Variants in COL6A3 observed in about 807,000 individuals in gnomAD.
The protein encoded by COL6A3 is collagen type VI alpha 3 chain, also known as collagen alpha-3(VI) chain.
A neutral mutation model predicts 274.1 loss-of-function variants in COL6A3; 137 were observed. That is an observed-to-expected ratio of 0.50 (90% confidence interval 0.44 to 0.58). The LOEUF is 0.58. Among genes scored for constraint, COL6A3 ranks in the 20% least tolerant of loss-of-function variants. The pLI is 0.00. For missense variants in COL6A3, 3,950 were observed against 4,124.9 expected (o/e 0.96, Z 1.16); for synonymous variants, 1,650 against 1,650.6 (o/e 1.00, Z 0.01).
chr2:237,358,609 TA>T (rs748656808), intron 20 of COL6A3, 26 bp from the exon 21 acceptor site: 2 of 1,590,926 alleles, frequency 1.3e-6, no homozygotes, highest in Admixed American at 1.7e-5. Flanking sequence ...AAGTGGATGC[TA>T]AAAACTAGAT....
intron 1 of COL6A3, among the ~76,000 whole-genome samples, chr2:237,403,453 A>G (rs572653390): frequency 6.6e-6 from 1 of 152,300 alleles, no homozygotes; most frequent in African/African-American, 2.4e-5. Flanking sequence ...AGCAGCTAAA[A>G]TAGAACCACC....
Position 237,413,372 on chromosome 2 carries a change from G to A in COL6A3, c.-31+581C>T, listed in dbSNP as rs1574792414. 6.6e-6 allele frequency among the ~76,000 whole-genome samples: 1 copy of A among 152,234 alleles called. No homozygotes were observed. The highest frequency in any genetic ancestry group is 1.5e-5 in the Non-Finnish European group (1 of 68,046). On this transcript the variant is annotated intron_variant, in intron 1 of 43. Coordinates refer to ENST00000295550, the MANE Select transcript of COL6A3 (RefSeq NM_004369.4). This position sits in a 1 kb window ranked among gnomAD's most constrained non-coding sequence, Gnocchi z 4.0. ...AGACGAAAGCTTGACGGCAATGACTGAGCGACCCTTTACTTGGCCCTGATC... is the reference window on the plus strand; with the variant it reads ...AGACGAAAGCTTGACGGCAATGACTAAGCGACCCTTTACTTGGCCCTGATC...
chr2:237,348,313 A>T (rs768208278), intron 30 of COL6A3, 36 bp downstream of exon 30: 1 of 1,585,246 alleles, frequency 6.3e-7, no homozygotes, highest in South Asian at 1.1e-5. Flanking sequence ...CCATCCCAAA[A>T]TCATGATGAT....
chr2:237,392,456 C>T (rs1336013492), intron 3 of COL6A3, among the ~76,000 whole-genome samples: 1 of 152,214 alleles, frequency 6.6e-6, no homozygotes, highest in African/African-American at 2.4e-5. Flanking sequence ...CAAGCCTCAA[C>T]TCTCTTTTTC....
In COL6A3 at chr2:237,325,704, CT is replaced by C; in HGVS notation, c.9348del (p.Asp3117ThrfsTer10). ...ATGAAATCCCTGCAAGTTCCTTCGTCTTTCGGCAACTTGCATATATCTTTAA... is the reference window on the plus strand; with the variant it reads ...ATGAAATCCCTGCAAGTTCCTTCGTCTTCGGCAACTTGCATATATCTTTAA... ...LTETDICKLP[K>X]DEGTCRDFIL... On this transcript the variant is annotated frameshift_variant, in exon 43 of 44. Coordinates refer to ENST00000295550, the MANE Select transcript of COL6A3 (RefSeq NM_004369.4). LOFTEE classifies it high-confidence loss of function. 1.2e-6 allele frequency: 2 copies of C among 1,613,960 alleles called. No individual in the cohort carries two copies. The highest frequency in any genetic ancestry group is 1.7e-6 in the Non-Finnish European group (2 of 1,179,958).
rs144130137 is a variant in COL6A3, at chr2:237,340,659, C to G, written c.8257G>C (p.Glu2753Gln). 5.6e-6 allele frequency: 9 copies of G among 1,614,132 alleles called. No homozygotes were observed. The African/African-American group carries it at 1.2e-4, about 22-fold the overall frequency. Residue 2753 changes from glutamate (E) to glutamine (Q), a missense_variant, in exon 38 of 44, where the codon GAG becomes CAG. This residue lies in a region of COL6A3 where 1,284 missense variants were observed against 1,349.7 expected (regional missense o/e 0.95). Transcript: ENST00000295550. ...TGCAGGATGACTCTCTGGGCCTCCT[C>G]CAGCTGCTGCTCCGGCACCTCGCCC... ...LTGEVPEQQL[E>Q]EAQRVILQAK...
At chr2:237,385,736 C>A (rs150631054) in intron 4 of COL6A3, among the ~76,000 whole-genome samples, 2 of 152,292 alleles carry the variant, frequency 1.3e-5, no homozygotes, top group East Asian at 3.9e-4. Context: ...AGTCACAAAA[C>A]GGCACCATGA....
At chr2:237,354,969 G>C in intron 23 of COL6A3, 35 bp from the exon 24 acceptor site, 1 of 1,608,386 alleles carries the variant, frequency 6.2e-7, no homozygotes, top group Non-Finnish European at 8.5e-7. Flanking sequence ...CTGTGAGGGG[G>C]AGCATGGGAC....
Position 237,368,020 on chromosome 2 carries a change from G to A in COL6A3, c.4900+543C>T, listed in dbSNP as rs997074168. Among the ~76,000 whole-genome samples, 2 of 152,230 alleles carry A rather than the reference G, an allele frequency of 1.3e-5. No homozygotes were observed. The highest frequency in any genetic ancestry group is 2.9e-5 in the Non-Finnish European group (2 of 68,040). The stretch of plus-strand genomic sequence containing the variant: ...AATGGTTTGCTTCAGATGTCTACAT[G>A]GCGATTACTTGGAGGAGGGACAAAG... On this transcript the variant is annotated intron_variant, in intron 10 of 43. Coordinates refer to ENST00000295550, the MANE Select transcript of COL6A3 (RefSeq NM_004369.4). This position sits in a 1 kb window ranked among gnomAD's most constrained non-coding sequence, Gnocchi z 4.4.
chr2:237,381,591 A>C, intron 4 of COL6A3, 92 bp from the exon 5 acceptor site: 1 of 1,073,784 alleles, frequency 9.3e-7, no homozygotes, highest in Non-Finnish European at 1.4e-6. Flanking sequence ...TTTAAAGGAC[A>C]CCCTCATTTA....
At chr2:237,382,034 A>G (rs1035522465) in intron 4 of COL6A3, among the ~76,000 whole-genome samples, 1 of 152,196 alleles carries the variant, frequency 6.6e-6, no homozygotes, top group African/African-American at 2.4e-5. Flanking sequence ...TAAAACGTAT[A>G]AAAAGGAAAT....
chr2:237,377,429 C>A, intron 6 of COL6A3, 85 bp from the exon 7 acceptor site: 1 of 1,373,884 alleles, frequency 7.3e-7, no homozygotes, highest in Non-Finnish European at 1.0e-6. Flanking sequence ...CATTTGACAA[C>A]AGGAGTTGGT....
At chr2:237,367,494 A>G (rs2077581434) in intron 10 of COL6A3, among the ~76,000 whole-genome samples, 1 of 152,220 alleles carries the variant, frequency 6.6e-6, no homozygotes, top group African/African-American at 2.4e-5. Context: ...TGAATGATAA[A>G]TCCTCTAAAC....
chr2:237,347,245 G>A (rs559692064), intron 31 of COL6A3, among the ~76,000 whole-genome samples: 19 of 151,536 alleles, frequency 1.3e-4, no homozygotes, highest in Admixed American at 3.9e-4. Flanking sequence ...ACTGCACTCC[G>A]CCCAGATGAC....
At chr2:237,378,571 C>A (rs2077911294) in intron 6 of COL6A3, 65 bp downstream of exon 6, 5 of 1,611,050 alleles carry the variant, frequency 3.1e-6, no homozygotes, top group Middle Eastern at 2.3e-4. Context: ...TTCAGACTGG[C>A]AAACTACCCT....
In COL6A3 at chr2:237,354,098, G is replaced by A. The variant is rs139989476; in HGVS notation, c.6628-695C>T. Among the ~76,000 whole-genome samples, 64 of 150,000 alleles carry A rather than the reference G, an allele frequency of 4.3e-4. 1 individual carries two copies. The East Asian group carries it at 9.6e-3, about 22-fold the overall frequency. ...ATGATCTTGGCTCACTGCAACCTCT[G>A]CCTCCCGGGTTCAAGTGATTCTCTT... On this transcript the variant is annotated intron_variant, in intron 24 of 43. Transcript: ENST00000295550.
In COL6A3 at chr2:237,402,067, C is replaced by T. The variant is rs549090943; in HGVS notation, c.-30-5220G>A. Among the ~76,000 whole-genome samples, 6 of 152,144 alleles carry T rather than the reference C, an allele frequency of 3.9e-5. No homozygotes were observed. In the South Asian group the frequency reaches 1.0e-3, roughly 26 times the overall value. ...TAAAAGAATGAAATCCTTTTATCTA[C>T]TACAACATGGATGAATCTTGAGGAT... On this transcript the variant is annotated intron_variant, in intron 1 of 43. Transcript: ENST00000295550.
At chr2:237,400,743 G>A (rs1377039990) in intron 1 of COL6A3, among the ~76,000 whole-genome samples, 2 of 151,844 alleles carry the variant, frequency 1.3e-5, no homozygotes, top group Non-Finnish European at 2.9e-5. Flanking sequence ...AAAGACAAAG[G>A]AACACCCCCA....
Position 237,394,998 on chromosome 2 carries a change from G to T in COL6A3, c.298C>A (p.Gln100Lys). ...TTGGAAATATGAGAAAGGACTTCTT[G>T]TTTAGTACGATACGTATTTAACAGG... is the stretch of plus-strand genomic sequence containing the variant. ...EFLLNTYRTKQEVLSHISNMS... is the reference protein window; with the variant it reads ...EFLLNTYRTKKEVLSHISNMS... The change falls in exon 3 of 44, where the codon CAA becomes AAA. Residue 100 changes from glutamine (Q) to lysine (K), a missense_variant. Coordinates refer to ENST00000295550, the MANE Select transcript of COL6A3 (RefSeq NM_004369.4). 1 of 1,614,122 alleles carries T rather than the reference G, an allele frequency of 6.2e-7. No homozygotes were observed. The highest frequency in any genetic ancestry group is 1.1e-5 in the South Asian group (1 of 91,074).
Sources: gnomAD v4.1 joint callset for allele counts (sites outside exome capture counted in the v4.1 genomes callset) on GRCh38, gnomAD v4.1.1 for gene constraint, gnomAD v4.1.1 regional missense constraint, Gnocchi (gnomAD v3.1) non-coding constraint, MANE v1.5 for transcripts, NCBI Gene and HGNC (gene_info 2026-07-23, HGNC 2026-07-21) for gene names.